The following ACSF2 variants were observed in gnomAD, a reference collection of about 807,000 sequenced individuals.
ACSF2 encodes the protein medium-chain acyl-CoA ligase ACSF2, mitochondrial.
Under a neutral mutation model 79.3 loss-of-function variants are expected in ACSF2, and 52 were observed. The ratio of observed to expected loss-of-function variants is 0.66; its 90% CI spans 0.53 to 0.83. ACSF2 has a LOEUF of 0.83. Ranked by LOEUF, ACSF2 falls within the 40% of genes least tolerant of loss-of-function variation. The pLI, the probability that ACSF2 is intolerant of heterozygous loss-of-function variation, is 0.00. For missense variants in ACSF2, 661 were observed against 803.3 expected (o/e 0.82, Z 2.14); for synonymous variants, 283 against 312.6 (o/e 0.91, Z 1.00).
rs570663385 is a variant in ACSF2 at position 50,444,276 on chromosome 17, G to T, written c.129-16401G>T. On this transcript the variant is annotated intron_variant, in intron 1 of 15. Coordinates refer to ENST00000300441, the MANE Select transcript of ACSF2 (RefSeq NM_025149.6). ...AGTTTGAAATATCAGCCACTGGCTG[G>T]GCGCAGTGGCTCACACCTGTAATCC... 4.6e-5 allele frequency among the ~76,000 whole-genome samples: 7 copies of T among 152,254 alleles called. No homozygotes were observed. The South Asian group carries it at 1.5e-3, about 32-fold the overall frequency.
intron 1 of ACSF2, among the ~76,000 whole-genome samples, chr17:50,440,175 G>A (rs191816414): frequency 6.4e-4 from 98 of 152,272 alleles, no homozygotes; most frequent in Non-Finnish European, 1.2e-3. Flanking sequence ...AACAAAACAG[G>A]ATATTGCTTT....
intron 1 of ACSF2, among the ~76,000 whole-genome samples, chr17:50,450,955 A>C (rs1228128441): frequency 2.3e-5 from 2 of 88,424 alleles, no homozygotes; most frequent in Non-Finnish European, 6.2e-5. Flanking sequence ...TGTTTGAGAC[A>C]GAGTTTCACT....
chr17:50,442,720 A>T (rs1271474894), intron 1 of ACSF2, among the ~76,000 whole-genome samples: 1 of 152,124 alleles, frequency 6.6e-6, no homozygotes, highest in African/African-American at 2.4e-5. Flanking sequence ...CTGCCTTGGC[A>T]TCCCAAAGCG....
rs145131895 is a variant in ACSF2 at position 50,441,034 on chromosome 17, G to A, written c.128+14645G>A. On this transcript the variant is annotated intron_variant, in intron 1 of 15. Transcript: ENST00000300441. The stretch of plus-strand genomic sequence containing the variant: ...ACTGGAGGCACTCAGACGGCTCCCC[G>A]TCAGCCTGCAGGGCCCCCAGGGCAG... Among the ~76,000 whole-genome samples the A allele has an allele frequency of 7.8e-3, 1,191 of 152,362 alleles. 14 individuals are homozygous for A. The highest frequency in any genetic ancestry group is 0.027 in the Middle Eastern group (8 of 294).
At chr17:50,429,471 A>G (rs1915324112) in intron 1 of ACSF2, among the ~76,000 whole-genome samples, 1 of 151,082 alleles carries the variant, frequency 6.6e-6, no homozygotes, top group Admixed American at 6.6e-5. Context: ...GGTCTGCTGG[A>G]CGTCCTCCTC....
At position 50,462,413 on chromosome 17, in the gene ACSF2, AC is replaced by A. The variant is rs754416313; in HGVS notation, c.627-3del. ...CCCCTGTCTCTCACCATCGTCCCCA[AC>A]CCCAGGCTCCCAGATCTGACCACAG... On this transcript the variant is annotated splice_region_variant and splice_polypyrimidine_tract_variant and intron_variant, in intron 5 of 15. Coordinates refer to ENST00000300441, the MANE Select transcript of ACSF2 (RefSeq NM_025149.6). 122 of 1,606,620 alleles carry A rather than the reference AC, an allele frequency of 7.6e-5. 1 individual carries two copies. In the Middle Eastern group the frequency reaches 4.6e-3, roughly 61 times the overall value.
intron 1 of ACSF2, among the ~76,000 whole-genome samples, chr17:50,441,488 T>G (rs1240993949): frequency 6.6e-6 from 1 of 152,216 alleles, no homozygotes; most frequent in Non-Finnish European, 1.5e-5. Context: ...CGGTCCTTTT[T>G]AAGTCACAGG....
intron 1 of ACSF2, among the ~76,000 whole-genome samples, chr17:50,440,436 C>A (rs561108434): frequency 1.7e-4 from 26 of 152,216 alleles, no homozygotes; most frequent in Non-Finnish European, 3.4e-4. Context: ...AACCTCTACC[C>A]AGCAGGTAAT....
chr17:50,464,560 G>T (rs1372890137), intron 10 of ACSF2: 3 of 616,716 alleles, frequency 4.9e-6, no homozygotes, highest in Admixed American at 2.1e-5. Context: ...TGGGAAGATG[G>T]ACAGCAAAGC....
chr17:50,472,649 G>T, intron 12 of ACSF2, 70 bp downstream of exon 12: 1 of 1,519,810 alleles, frequency 6.6e-7, no homozygotes, highest in South Asian at 1.3e-5. Flanking sequence ...GCTGAGCCGG[G>T]AACATTAACC....
At chr17:50,440,824 A>G (rs1049919916) in intron 1 of ACSF2, among the ~76,000 whole-genome samples, 3 of 152,250 alleles carry the variant, frequency 2.0e-5, no homozygotes, top group Non-Finnish European at 2.9e-5. Context: ...CAGAGCCACT[A>G]TGGGTTGGTG....
intron 1 of ACSF2, among the ~76,000 whole-genome samples, chr17:50,434,456 G>A (rs1008604353): frequency 2.6e-5 from 4 of 152,134 alleles, no homozygotes; most frequent in African/African-American, 9.7e-5. Flanking sequence ...GGAGGCTGAG[G>A]CAGGTGGATC....
intron 1 of ACSF2, among the ~76,000 whole-genome samples, chr17:50,438,697 G>T (rs2030631579): frequency 6.6e-6 from 1 of 152,042 alleles, no homozygotes; most frequent in Non-Finnish European, 1.5e-5. Flanking sequence ...CTCCCGAGTA[G>T]CTGGGATTAT....
chr17:50,454,273 A>T (rs2031858128), intron 1 of ACSF2, among the ~76,000 whole-genome samples: 1 of 151,610 alleles, frequency 6.6e-6, no homozygotes, highest in South Asian at 2.1e-4. Flanking sequence ...TGGCCTTCCA[A>T]AGTGCTGGGA....
chr17:50,445,170 C>G (rs138989462), intron 1 of ACSF2, among the ~76,000 whole-genome samples: 142 of 152,302 alleles, frequency 9.3e-4, no homozygotes, highest in African/African-American at 3.3e-3. Context: ...CTGCCTCACC[C>G]TCCCAAAGTG....
chr17:50,473,340 A>T (rs776465710), intron 12 of ACSF2: 16 of 305,800 alleles, frequency 5.2e-5, no homozygotes, highest in Non-Finnish European at 8.7e-5. Context: ...TGTGGTGGGG[A>T]GGGGAGCTTC....
At position 50,464,281 on chromosome 17, in the gene ACSF2, T is replaced by A; in HGVS notation, c.1202T>A (p.Met401Lys). ...LIRAIINKINMKDLVVAYGTT... is the reference protein window; with the variant it reads ...LIRAIINKINKKDLVVAYGTT... ...CGAGCCATCATCAACAAGATAAATA[T>A]GAAGGACCTGGTGGTGAGTGGTGAC... is the stretch of plus-strand genomic sequence containing the variant. The change falls in exon 10 of 16, where the codon ATG becomes AAG. Residue 401 changes from methionine (M) to lysine (K), a missense_variant. Transcript: ENST00000300441. The A allele has an allele frequency of 6.2e-7, 1 of 1,613,950 alleles. No homozygotes were observed.
chr17:50,456,587 C>A (rs1441726311), intron 1 of ACSF2, among the ~76,000 whole-genome samples: 1 of 151,916 alleles, frequency 6.6e-6, no homozygotes, highest in Non-Finnish European at 1.5e-5. Flanking sequence ...GCAAAATTAG[C>A]CGGGCGTGGT....
intron 1 of ACSF2, among the ~76,000 whole-genome samples, chr17:50,443,060 C>G (rs979871447): frequency 2.6e-5 from 4 of 152,228 alleles, no homozygotes; most frequent in Admixed American, 2.6e-4. Flanking sequence ...TGGGTGCACG[C>G]CACCATGCCC....
Sources: gnomAD v4.1 joint callset for allele counts (sites outside exome capture counted in the v4.1 genomes callset) on GRCh38, gnomAD v4.1.1 for gene constraint, MANE v1.5 for transcripts, NCBI Gene and HGNC (gene_info 2026-07-23, HGNC 2026-07-21) for gene names.